NRCAM: variants seen among roughly 807,000 people sequenced by gnomAD.
NRCAM encodes NgCAM-related cell adhesion molecule.
Under a neutral mutation model 156.5 loss-of-function variants are expected in NRCAM, and 83 were observed. That is an observed-to-expected ratio of 0.53 (90% CI 0.44 to 0.64). NRCAM has a LOEUF of 0.64. Ranked by LOEUF, NRCAM falls within the 30% of genes least tolerant of loss-of-function variation. NRCAM has a pLI of 0.00. For missense variants in NRCAM, 1,417 were observed against 1,597.3 expected, an observed-to-expected ratio of 0.89 and a Z score of 1.92; for synonymous variants, 538 against 563.9, an observed-to-expected ratio of 0.95 and a Z score of 0.65.
chr7:108,191,896 G>T, intron 17 of NRCAM, 43 bp from the exon 18 acceptor site: 5 of 1,584,146 alleles, frequency 3.2e-6, no homozygotes, highest in Non-Finnish European at 4.3e-6. Context: ...TGGACATGCA[G>T]CCGTACCCTA....
At chr7:108,256,194 G>A (rs1456264596) in intron 3 of NRCAM, among the ~76,000 whole-genome samples, 1 of 152,046 alleles carries the variant, frequency 6.6e-6, no homozygotes, top group African/African-American at 2.4e-5. Context: ...AGGGGGAAAT[G>A]TGGGGAAAAG....
chr7:108,304,468 G>C (rs2098685958), intron 3 of NRCAM, among the ~76,000 whole-genome samples: 1 of 151,286 alleles, frequency 6.6e-6, no homozygotes, highest in South Asian at 2.1e-4. Context: ...GTGATTCCCT[G>C]AAGAGCAAGA....
intron 28 of NRCAM, among the ~76,000 whole-genome samples, chr7:108,175,084 A>T (rs912441223): frequency 1.3e-5 from 2 of 152,254 alleles, no homozygotes; most frequent in African/African-American, 2.4e-5. Context: ...TTAGAAGCTA[A>T]GATTAGGATT....
intron 6 of NRCAM, among the ~76,000 whole-genome samples, chr7:108,234,227 C>T (rs1033380232): frequency 1.3e-5 from 2 of 152,128 alleles, no homozygotes; most frequent in African/African-American, 4.8e-5. Flanking sequence ...TAACTCCTCA[C>T]AATTTATAAG....
intron 2 of NRCAM, among the ~76,000 whole-genome samples, chr7:108,369,592 T>G (rs1228714225): frequency 6.6e-6 from 1 of 152,150 alleles, no homozygotes; most frequent in Non-Finnish European, 1.5e-5. Context: ...TTGTAGGGTT[T>G]GTTTTCTTCT....
chr7:108,212,457 C>T (rs1179351673), intron 11 of NRCAM, among the ~76,000 whole-genome samples: 1 of 151,914 alleles, frequency 6.6e-6, no homozygotes, highest in Non-Finnish European at 1.5e-5. Flanking sequence ...CAGAGAGGCA[C>T]CAGAGAAAGG....
chr7:108,154,756 G>A (rs961098775), intron 32 of NRCAM, among the ~76,000 whole-genome samples: 25 of 152,122 alleles, frequency 1.6e-4, no homozygotes, highest in African/African-American at 6.0e-4. Context: ...TACACACAGT[G>A]CTGGGTTTGT....
At chr7:108,320,729 A>G (rs1227607929) in intron 2 of NRCAM, among the ~76,000 whole-genome samples, 2 of 152,250 alleles carry the variant, frequency 1.3e-5, no homozygotes, top group Non-Finnish European at 2.9e-5. Flanking sequence ...GAACTTGAAC[A>G]AAGAATCAAA....
At chr7:108,162,988 G>C (rs1252387707) in intron 30 of NRCAM, among the ~76,000 whole-genome samples, 2 of 152,102 alleles carry the variant, frequency 1.3e-5, no homozygotes, top group African/African-American at 4.8e-5. Context: ...CCATAACCAT[G>C]ATCATGCATC....
At position 108,232,340 on chromosome 7, in the gene NRCAM, A is replaced by C; in HGVS notation, c.413T>G (p.Val138Gly). The C allele has an allele frequency of 1.2e-6, 2 of 1,604,896 alleles. No homozygotes were observed. The highest frequency in any genetic ancestry group is 1.7e-6 in the Non-Finnish European group (2 of 1,176,864). Residue 138 changes from valine to glycine, a missense_variant, in exon 7 of 33, where the codon GTT (valine) becomes GGT (glycine). Val to Gly is a moderately radical substitution (Grantham distance 109, BLOSUM62 -3). Coordinates refer to ENST00000379028, the MANE Select transcript of NRCAM (RefSeq NM_001037132.4). ...TTTCCACTTACTGGATGGGCGGACA[A>C]CAATGTTATTAGAAACTGCAGCTCC... ...ERGAAVSNNI[V>G]VRPSRSPLWT...
chr7:108,455,644 G>C (rs958806296), intron 1 of NRCAM, among the ~76,000 whole-genome samples: 1 of 152,194 alleles, frequency 6.6e-6, no homozygotes, highest in South Asian at 2.1e-4. Context: ...GACTGGAGAA[G>C]CGAAGTCGGC....
At chr7:108,178,195 G>T in intron 25 of NRCAM, 83 bp from the exon 26 acceptor site, 1 of 1,441,232 alleles carries the variant, frequency 6.9e-7, no homozygotes, top group Non-Finnish European at 9.4e-7. Context: ...GTGCTCGCAC[G>T]ATTCAAGGTT....
chr7:108,155,722 T>G (rs1563171182), intron 32 of NRCAM, among the ~76,000 whole-genome samples: 1 of 152,070 alleles, frequency 6.6e-6, no homozygotes, highest in Non-Finnish European at 1.5e-5. Context: ...TGGCATACAG[T>G]AGGCACTCAT....
chr7:108,270,936 G>A (rs532077853), intron 3 of NRCAM, among the ~76,000 whole-genome samples: 1 of 152,292 alleles, frequency 6.6e-6, no homozygotes, highest in South Asian at 2.1e-4. Context: ...GAAAAGTTCT[G>A]TAGATAGATG....
chr7:108,211,728 C>G (rs1319673086), intron 11 of NRCAM, among the ~76,000 whole-genome samples: 1 of 152,026 alleles, frequency 6.6e-6, no homozygotes, highest in Non-Finnish European at 1.5e-5. Context: ...AACCTCACCC[C>G]CTCCCCCACA....
chr7:108,195,926 C>T (rs575752395), intron 14 of NRCAM, 54 bp from the exon 15 acceptor site: 55 of 1,125,104 alleles, frequency 4.9e-5, no homozygotes, highest in African/African-American at 7.8e-5. Flanking sequence ...TTAGGACTAT[C>T]GTTTATTTAT....
chr7:108,222,685 C>A (rs115282236), intron 11 of NRCAM, among the ~76,000 whole-genome samples: 2 of 152,082 alleles, frequency 1.3e-5, no homozygotes, highest in African/African-American at 4.8e-5. Context: ...GAGGCCTCCA[C>A]GTGCCTCCTG....
chr7:108,285,285 T>C (rs971544869), intron 3 of NRCAM, among the ~76,000 whole-genome samples: 3 of 152,152 alleles, frequency 2.0e-5, no homozygotes, highest in Admixed American at 1.3e-4. Flanking sequence ...TAGGGCAAAA[T>C]ACTATACCAC....
chr7:108,443,327 A>C (rs1040201049), intron 1 of NRCAM, among the ~76,000 whole-genome samples: 1 of 152,226 alleles, frequency 6.6e-6, no homozygotes. Context: ...ATGGGGAGAC[A>C]TCATAAAGGA....
Sources: allele counts gnomAD v4.1 joint callset (sites outside exome capture counted in the v4.1 genomes callset), GRCh38; gene constraint gnomAD v4.1.1; transcripts MANE v1.5; gene names NCBI Gene and HGNC (gene_info 2026-07-23, HGNC 2026-07-21).